The following CTBP2 variants were observed in gnomAD, a reference collection of about 807,000 sequenced individuals.
The protein encoded by CTBP2 is C-terminal-binding protein 2.
A neutral mutation model predicts 80.3 loss-of-function variants in CTBP2; 30 were observed. That is an observed-to-expected ratio of 0.37 (90% CI 0.28 to 0.51). The LOEUF (loss-of-function observed/expected upper bound fraction) is 0.51. Among genes scored for constraint, CTBP2 ranks in the 20% least tolerant of loss-of-function variants. CTBP2 has a pLI of 0.93. For synonymous variants in CTBP2, 594 were observed against 587.4 expected (o/e 1.01, Z -0.16); for missense variants, 1,212 against 1,375.3 (o/e 0.88, Z 1.88).
intron 1 of CTBP2, among the ~76,000 whole-genome samples, chr10:125,004,290 C>T (rs1399981989): frequency 6.6e-6 from 1 of 152,230 alleles, no homozygotes; most frequent in Non-Finnish European, 1.5e-5. Flanking sequence ...TGCCACACTA[C>T]AGACGCGCAT....
intron 2 of CTBP2, among the ~76,000 whole-genome samples, chr10:125,049,044 CAGACACACACACACACACA>C (rs1962000737): frequency 2.9e-5 from 2 of 68,810 alleles, no homozygotes; most frequent in South Asian, 1.2e-3. Flanking sequence ...CGCCTGACCA[CAGACACACACACACACACA>C]CACACACACA....
At chr10:125,093,872 T>A (rs953388666) in intron 2 of CTBP2, among the ~76,000 whole-genome samples, 1 of 152,136 alleles carries the variant, frequency 6.6e-6, no homozygotes, top group Non-Finnish European at 1.5e-5. Flanking sequence ...GGTGTTTGAT[T>A]CAACTAAATC....
chr10:125,055,980 C>T (rs937679449), intron 2 of CTBP2, among the ~76,000 whole-genome samples: 2 of 152,036 alleles, frequency 1.3e-5, no homozygotes, highest in South Asian at 2.1e-4. Context: ...GCCTGGCCAA[C>T]ATGGTGAAAC....
At chr10:125,031,487 T>TAAAA (rs1445636888), upstream of CTBP2, among the ~76,000 whole-genome samples, 3 of 12,028 alleles carry the variant, frequency 2.5e-4, no homozygotes, top group South Asian at 2.1e-3. Context: ...AGACTCCATT[T>TAAAA]CAAAAAAAAA....
At chr10:125,057,556 T>G (rs944428632) in intron 2 of CTBP2, among the ~76,000 whole-genome samples, 3 of 152,176 alleles carry the variant, frequency 2.0e-5, no homozygotes, top group Non-Finnish European at 2.9e-5. Flanking sequence ...TTGCTGTGAG[T>G]GCGTATCCCT....
At position 125,110,983 on chromosome 10, in the gene CTBP2, A is replaced by C. The variant is rs947809975; in HGVS notation, c.-102+7T>G. The C allele has an allele frequency of 6.6e-6, 1 of 152,652 alleles. No homozygotes were observed. Among genetic ancestry groups the C allele is most frequent in the Non-Finnish European group, 1.5e-5 (1 of 68,046 alleles). 9.5% of individuals were successfully genotyped at this position (152,652 alleles called of 1,614,324 possible). A position where few individuals can be genotyped will look rare whatever the true frequency, so the allele number is the denominator to read the frequency against. Reference sequence around the variant, plus strand: ...CTTTTACCTGGAGATATTTCACAATAACTCACCAATATAAATCTGTCCACA... The same window carrying C: ...CTTTTACCTGGAGATATTTCACAATCACTCACCAATATAAATCTGTCCACA... On this transcript the variant is annotated splice_region_variant and intron_variant, in intron 2 of 10. Transcript: ENST00000337195.
At chr10:125,144,265 G>A (rs1264921911) in intron 1 of CTBP2, among the ~76,000 whole-genome samples, 1 of 152,178 alleles carries the variant, frequency 6.6e-6, no homozygotes, top group Non-Finnish European at 1.5e-5. Flanking sequence ...TCCCTAGAAT[G>A]GGGTCATGTG....
chr10:125,068,489 A>C (rs912421485), intron 2 of CTBP2, among the ~76,000 whole-genome samples: 6 of 152,242 alleles, frequency 3.9e-5, no homozygotes, highest in African/African-American at 1.4e-4. Flanking sequence ...CTGAGCAATG[A>C]AACTGAGAAT....
chr10:125,031,488 C>CAAA (rs11463934), upstream of CTBP2, among the ~76,000 whole-genome samples: 647 of 33,620 alleles, frequency 0.019, 52 homozygotes, highest in African/African-American at 0.053. Flanking sequence ...GACTCCATTT[C>CAAA]AAAAAAAAAA....
chr10:125,043,523 G>A (rs567594313), intron 2 of CTBP2, among the ~76,000 whole-genome samples: 265 of 152,188 alleles, frequency 1.7e-3, no homozygotes, highest in Non-Finnish European at 3.1e-3. Context: ...TGCAAGCTCC[G>A]CCTCCCAGGT....
At chr10:125,137,232 G>A (rs1431535392) in intron 1 of CTBP2, among the ~76,000 whole-genome samples, 1 of 152,230 alleles carries the variant, frequency 6.6e-6, no homozygotes, top group East Asian at 1.9e-4. Context: ...GATGTCACCA[G>A]TTTGCTAGGA....
At chr10:125,159,317 G>C (rs1861517319) in intron 1 of CTBP2, among the ~76,000 whole-genome samples, 1 of 149,260 alleles carries the variant, frequency 6.7e-6, no homozygotes, top group South Asian at 2.1e-4. Flanking sequence ...GGGAAGGTGG[G>C]GGAGGCGGGC....
chr10:125,027,451 G>T lies in CTBP2; in HGVS notation c.309C>A (p.Ser103Arg), dbSNP rs148945836. ...TGTAGTACTCCCGTGGCAGCAGGGG[G>T]CTGCGACCAGACATCACTGCCTGTC... Residue 103 changes from serine to arginine, a missense_variant, in exon 1 of 9, where the codon AGC becomes AGA. Transcript: ENST00000309035. The T allele has an allele frequency of 1.2e-6, 2 of 1,614,146 alleles. No homozygotes were observed. Among genetic ancestry groups the T allele is most frequent in the Admixed American group, 3.3e-5 (2 of 60,030 alleles).
chr10:125,153,359 C>A (rs925883343), intron 1 of CTBP2, among the ~76,000 whole-genome samples: 21 of 152,336 alleles, frequency 1.4e-4, no homozygotes, highest in African/African-American at 5.1e-4. Context: ...GCAAGCACTG[C>A]CCCCACCCGT....
At chr10:125,012,969 G>A (rs1394785440) in intron 1 of CTBP2, among the ~76,000 whole-genome samples, 1 of 152,212 alleles carries the variant, frequency 6.6e-6, no homozygotes, top group East Asian at 1.9e-4. Flanking sequence ...AACCAGGACT[G>A]GCTGGTCCAC....
At chr10:125,060,838 G>A (rs571306163) in intron 2 of CTBP2, among the ~76,000 whole-genome samples, 1 of 152,364 alleles carries the variant, frequency 6.6e-6, no homozygotes, top group African/African-American at 2.4e-5. Flanking sequence ...CCGAGGCCAG[G>A]ACTGTGGACC....
intron 1 of CTBP2, among the ~76,000 whole-genome samples, chr10:125,022,577 T>C (rs1957162277): frequency 6.6e-6 from 1 of 152,232 alleles, no homozygotes; most frequent in South Asian, 2.1e-4. Context: ...CGCTGGGCTC[T>C]GCCCAGGGCA....
intron 1 of CTBP2, among the ~76,000 whole-genome samples, chr10:125,147,006 G>A (rs934356604): frequency 6.6e-6 from 1 of 152,192 alleles, no homozygotes; most frequent in African/African-American, 2.4e-5. Flanking sequence ...TACCACAGCT[G>A]CTGCTGACTG....
At chr10:125,071,929 G>A (rs953163418) in intron 2 of CTBP2, among the ~76,000 whole-genome samples, 4 of 152,102 alleles carry the variant, frequency 2.6e-5, no homozygotes, top group Non-Finnish European at 2.9e-5. Context: ...TCAGCTGCCC[G>A]CAGGGTACTT....
Sources: gnomAD v4.1 joint callset for allele counts (sites outside exome capture counted in the v4.1 genomes callset) on GRCh38, gnomAD v4.1.1 for gene constraint, MANE v1.5 for transcripts, NCBI Gene and HGNC (gene_info 2026-07-23, HGNC 2026-07-21) for gene names.